The following ALCAM variants were observed in gnomAD, a reference collection of about 807,000 sequenced individuals.
The protein encoded by ALCAM is activated leukocyte cell adhesion molecule.
ALCAM carries 30 observed loss-of-function variants against 70.9 expected under a neutral mutation model. The ratio of observed to expected loss-of-function variants is 0.42; its 90% CI spans 0.32 to 0.57. The LOEUF is 0.57. Ranked by LOEUF, ALCAM falls within the 20% of genes least tolerant of loss-of-function variation. The pLI is 0.11. For missense variants in ALCAM, 591 were observed against 695.1 expected, an observed-to-expected ratio of 0.85 and a Z score of 1.68; for synonymous variants, 249 against 242.5, an observed-to-expected ratio of 1.03 and a Z score of -0.25.
chr3:105,417,395 T>A (rs1295653933), intron 1 of ALCAM, among the ~76,000 whole-genome samples: 5 of 151,770 alleles, frequency 3.3e-5, no homozygotes, highest in Non-Finnish European at 7.4e-5. Flanking sequence ...ATTGTTTTCA[T>A]CAGTTTGGTC....
chr3:105,534,376 T>C lies in ALCAM; in HGVS notation c.548-287T>C, dbSNP rs1265584300. On this transcript the variant is annotated intron_variant, in intron 5 of 15. Transcript: ENST00000306107. ...TTAATACATGATTTTTTAAACATCA[T>C]TTTCAGCCCTTGTACAGAAGAATCA... Among the ~76,000 whole-genome samples the C allele has an allele frequency of 3.9e-5, 6 of 152,262 alleles. No homozygotes were observed. In the East Asian group the frequency reaches 1.2e-3, roughly 29 times the overall value.
At chr3:105,523,308 G>T (rs961051237) in intron 2 of ALCAM, among the ~76,000 whole-genome samples, 1 of 152,122 alleles carries the variant, frequency 6.6e-6, no homozygotes, top group South Asian at 2.1e-4. Context: ...GAGGATTTGC[G>T]TTGTAAACCT....
intron 1 of ALCAM, among the ~76,000 whole-genome samples, chr3:105,460,496 CTT>C (rs959705297): frequency 2.6e-5 from 4 of 151,980 alleles, no homozygotes; most frequent in Non-Finnish European, 5.9e-5. Context: ...TAAAACAACT[CTT>C]TCACTATTGA....
intron 14 of ALCAM, among the ~76,000 whole-genome samples, chr3:105,566,468 A>G (rs1283963836): frequency 1.3e-5 from 2 of 152,170 alleles, no homozygotes; most frequent in Non-Finnish European, 2.9e-5. Flanking sequence ...ATAATTATCA[A>G]TTATATGTAA....
intron 1 of ALCAM, among the ~76,000 whole-genome samples, chr3:105,502,645 C>T (rs1037852204): frequency 2.0e-5 from 3 of 152,236 alleles, no homozygotes; most frequent in Non-Finnish European, 4.4e-5. Flanking sequence ...TGCTATCTCT[C>T]AGTTACCAAT....
At chr3:105,566,488 CCTAT>C (rs1324195371) in intron 14 of ALCAM, among the ~76,000 whole-genome samples, 1 of 152,092 alleles carries the variant, frequency 6.6e-6, no homozygotes, top group African/African-American at 2.4e-5. Flanking sequence ...AGACCACCTC[CCTAT>C]CTGTTTTCTA....
chr3:105,539,835 T>A, intron 6 of ALCAM, 140 bp from the exon 7 acceptor site: 1 of 771,618 alleles, frequency 1.3e-6, no homozygotes, highest in Non-Finnish European at 1.9e-6. Flanking sequence ...GCTTCAATCC[T>A]TCTATAAAAA....
intron 6 of ALCAM, among the ~76,000 whole-genome samples, chr3:105,536,097 T>C (rs950063783): frequency 6.6e-6 from 1 of 151,536 alleles, no homozygotes; most frequent in South Asian, 2.1e-4. Context: ...TTCTTTCTTT[T>C]TTTTTTTTTT....
At chr3:105,369,828 T>G (rs1470379607) in intron 1 of ALCAM, among the ~76,000 whole-genome samples, 2 of 152,144 alleles carry the variant, frequency 1.3e-5, no homozygotes, top group Admixed American at 6.5e-5. Flanking sequence ...CGTGCCACGT[T>G]ACCTGTTTTG....
chr3:105,571,977 T>C lies in ALCAM; in HGVS notation c.*25+13T>C. ...CCTAGTTGTCCAGGTGAGTAGTCTG[T>C]ACGAGGTTCATAGAAATAATTCCCT... On this transcript the variant is annotated intron_variant, in intron 15 of 15. Transcript: ENST00000306107. The C allele has an allele frequency of 3.4e-6, 5 of 1,456,660 alleles. No individual in the cohort carries two copies. Among genetic ancestry groups the C allele is most frequent in the Non-Finnish European group, 4.7e-6 (5 of 1,053,158 alleles). The allele number at this position is 1,456,660 out of a possible 1,614,324, so 90.2% of individuals were successfully genotyped here.
chr3:105,497,408 T>G (rs1465349323), intron 1 of ALCAM, among the ~76,000 whole-genome samples: 1 of 152,210 alleles, frequency 6.6e-6, no homozygotes, highest in Non-Finnish European at 1.5e-5. Context: ...ATGTAATTTC[T>G]TCAGAGAAAA....
At chr3:105,558,826 A>G (rs1217447281) in intron 14 of ALCAM, among the ~76,000 whole-genome samples, 4 of 152,088 alleles carry the variant, frequency 2.6e-5, no homozygotes, top group Non-Finnish European at 5.9e-5. Flanking sequence ...CACATACACT[A>G]TCACATTTAT....
intron 1 of ALCAM, among the ~76,000 whole-genome samples, chr3:105,377,582 A>T (rs1473536129): frequency 6.6e-6 from 1 of 152,048 alleles, no homozygotes; most frequent in Non-Finnish European, 1.5e-5. Context: ...GAATTATAGG[A>T]GTAGTAGGCA....
intron 1 of ALCAM, among the ~76,000 whole-genome samples, chr3:105,416,766 C>T (rs1936517294): frequency 6.6e-6 from 1 of 151,914 alleles, no homozygotes; most frequent in African/African-American, 2.4e-5. Flanking sequence ...TAACTTCTTC[C>T]TTGAATTACT....
intron 1 of ALCAM, among the ~76,000 whole-genome samples, chr3:105,383,635 C>A (rs577124938): frequency 3.0e-4 from 45 of 151,660 alleles, no homozygotes; most frequent in Non-Finnish European, 5.2e-4. Context: ...CCATGCTATG[C>A]AAATTGAGTG....
chr3:105,547,394 A>G lies in ALCAM; in HGVS notation c.1245A>G (p.Lys415=), dbSNP rs1940275827. The G allele has an allele frequency of 6.2e-7, 1 of 1,602,670 alleles. No individual in the cohort carries two copies. The highest frequency in any genetic ancestry group is 1.1e-5 in the South Asian group (1 of 88,698). ...RESLTLIVEG[K]PQIKMTKKTD... ...ATTTTAATTGTAATATTTCAGGCAAACCTCAAATAAAAATGACAAAGAAAA... is the reference window on the plus strand; with the variant it reads ...ATTTTAATTGTAATATTTCAGGCAAGCCTCAAATAAAAATGACAAAGAAAA... Residue 415 remains lysine, a synonymous_variant, in exon 11 of 16, where the codon AAA becomes AAG. Coordinates refer to ENST00000306107, the MANE Select transcript of ALCAM (RefSeq NM_001627.4).
At chr3:105,409,708 A>T (rs940911252) in intron 1 of ALCAM, among the ~76,000 whole-genome samples, 4 of 151,128 alleles carry the variant, frequency 2.6e-5, no homozygotes, top group East Asian at 1.9e-4. Context: ...TATAGAAATT[A>T]AAAAAAAATT....
At chr3:105,548,943 C>CA (rs1225784525) in intron 11 of ALCAM, among the ~76,000 whole-genome samples, 1 of 151,262 alleles carries the variant, frequency 6.6e-6, no homozygotes, top group Non-Finnish European at 1.5e-5. Context: ...ACATAGAAAA[C>CA]AGAAACATAA....
intron 1 of ALCAM, among the ~76,000 whole-genome samples, chr3:105,469,635 C>G (rs1465574223): frequency 6.6e-6 from 1 of 151,058 alleles, no homozygotes; most frequent in Non-Finnish European, 1.5e-5. Flanking sequence ...ACAAAATGTA[C>G]TATATATACA....
Sources: gnomAD v4.1 joint callset for allele counts (sites outside exome capture counted in the v4.1 genomes callset) on GRCh38, gnomAD v4.1.1 for gene constraint, MANE v1.5 for transcripts, NCBI Gene and HGNC (gene_info 2026-07-23, HGNC 2026-07-21) for gene names.